MTF1: variants seen among roughly 807,000 people sequenced by gnomAD.
MTF1 encodes the protein metal regulatory transcription factor 1.
A neutral mutation model predicts 70.4 loss-of-function variants in MTF1; 22 were observed. That is an observed-to-expected ratio of 0.31 (90% CI 0.22 to 0.45). MTF1 has a LOEUF of 0.45. Ranked by LOEUF, MTF1 falls within the 20% of genes least tolerant of loss-of-function variation. MTF1 has a pLI of 1.00. For synonymous variants in MTF1, 333 were observed against 352.8 expected, an observed-to-expected ratio of 0.94 and a Z score of 0.63; for missense variants, 649 against 922.0, an observed-to-expected ratio of 0.70 and a Z score of 3.83.
intron 2 of MTF1, among the ~76,000 whole-genome samples, chr1:37,842,404 C>G (rs1038436262): frequency 2.0e-5 from 3 of 152,212 alleles, no homozygotes; most frequent in Non-Finnish European, 2.9e-5. Flanking sequence ...GATGGCTTTA[C>G]TGTAAGAAAT....
rs564300176 is a variant in MTF1 at position 37,828,189 on chromosome 1, G to A, written c.1068+4056C>T. On this transcript the variant is annotated intron_variant, in intron 7 of 10. Transcript: ENST00000373036. ...TAAAAGCATTAAAAAAAAAAAAACA[G>A]GAAAAACTAATCTTAGTTGTTGTAA... 3 of 391,516 alleles carry A rather than the reference G, an allele frequency of 7.7e-6. No individual in the cohort carries two copies. In the East Asian group the frequency reaches 2.8e-4, roughly 36 times the overall value. 24.3% of individuals were successfully genotyped at this position (391,516 alleles called of 1,614,324 possible). A position where few individuals can be genotyped will look rare whatever the true frequency, so the allele number is the denominator to read the frequency against.
chr1:37,841,626 G>T, intron 2 of MTF1: 1 of 173,722 alleles, frequency 5.8e-6, no homozygotes, highest in South Asian at 1.4e-4. Context: ...ACCTCATCAA[G>T]ACCCACACCA....
chr1:37,847,656 G>A (rs966762255), intron 2 of MTF1, among the ~76,000 whole-genome samples: 10 of 152,164 alleles, frequency 6.6e-5, no homozygotes, highest in African/African-American at 2.4e-4. Context: ...GGTATCCACA[G>A]AACGCCTGCA....
In MTF1 at chr1:37,840,615, T is replaced by C. The variant is rs943577530; in HGVS notation, c.409-457A>G. 8.1e-5 allele frequency: 33 copies of C among 405,698 alleles called. No individual in the cohort carries two copies. The highest frequency in any genetic ancestry group is 3.5e-4 in the Middle Eastern group (1 of 2,868). The allele number at this position is 405,698 out of a possible 1,614,324, so 25.1% of individuals were successfully genotyped here. A position where few individuals can be genotyped will look rare whatever the true frequency, so the allele number is the denominator to read the frequency against. ...TACTTAATCATCAAACATATTTCCC[T>C]AGATTGTTTCCACTGCATATTTTCA... is the stretch of plus-strand genomic sequence containing the variant. On this transcript the variant is annotated intron_variant, in intron 2 of 10. Coordinates refer to ENST00000373036, the MANE Select transcript of MTF1 (RefSeq NM_005955.3). The surrounding 1 kb of genome is among the most constrained non-coding windows in gnomAD (Gnocchi z 4.5).
chr1:37,841,674 T>C (rs2148415429), intron 2 of MTF1: 1 of 159,758 alleles, frequency 6.3e-6, no homozygotes, highest in Middle Eastern at 3.3e-3. Context: ...CAACTGTGGC[T>C]ATAACACAGG....
At chr1:37,853,043 G>A (rs1641439643) in intron 2 of MTF1, among the ~76,000 whole-genome samples, 1 of 152,114 alleles carries the variant, frequency 6.6e-6, no homozygotes, top group African/African-American at 2.4e-5. Flanking sequence ...CCATGAACAA[G>A]GCCACTATCC....
At chr1:37,823,676 T>G in intron 8 of MTF1, 34 bp downstream of exon 8, 1 of 1,500,804 alleles carries the variant, frequency 6.7e-7, no homozygotes, top group Non-Finnish European at 9.3e-7. Flanking sequence ...CAGCAAGTGC[T>G]TAGATGTGAG....
chr1:37,834,734 G>A, intron 6 of MTF1: 1 of 483,558 alleles, frequency 2.1e-6, no homozygotes, highest in East Asian at 6.1e-5. Flanking sequence ...GGATGAGCTG[G>A]CAGACTTTGC....
Position 37,813,311 on chromosome 1 carries a change from G to A in MTF1, c.*1825C>T, listed in dbSNP as rs990089004. ...AAAGAAGTCAATTATTCTGGCTAGG[G>A]TCCTGGAATGAGAAATTGGCTGCTT... is the stretch of plus-strand genomic sequence containing the variant. On this transcript the variant is annotated 3_prime_UTR_variant, in exon 11 of 11. Transcript: ENST00000373036. The A allele has an allele frequency of 3.3e-5, 5 of 152,150 alleles. No homozygotes were observed. Among genetic ancestry groups the A allele is most frequent in the Non-Finnish European group, 7.3e-5 (5 of 68,028 alleles). 9.4% of individuals were successfully genotyped at this position (152,150 alleles called of 1,614,324 possible).
Position 37,815,622 on chromosome 1 carries a change from A to G in MTF1, c.1832-56T>C. Reference sequence around the variant, plus strand: ...AAGTAGCTGCAGGGGCAGGAGCATGAGGGACAGGGATACATGGACTAGGTG... The same window carrying G: ...AAGTAGCTGCAGGGGCAGGAGCATGGGGGACAGGGATACATGGACTAGGTG... On this transcript the variant is annotated intron_variant, in intron 10 of 10. Coordinates refer to ENST00000373036, the MANE Select transcript of MTF1 (RefSeq NM_005955.3). The surrounding 1 kb of genome is among the most constrained non-coding windows in gnomAD (Gnocchi z 4.5). The G allele has an allele frequency of 7.3e-7, 1 of 1,368,716 alleles. No homozygotes were observed. The highest frequency in any genetic ancestry group is 1.0e-6 in the Non-Finnish European group (1 of 1,001,004). 84.8% of individuals were successfully genotyped at this position (1,368,716 alleles called of 1,614,324 possible).
intron 3 of MTF1, 77 bp downstream of exon 3, chr1:37,839,843 T>G: frequency 1.7e-6 from 2 of 1,177,936 alleles, no homozygotes; most frequent in Non-Finnish European, 2.5e-6. Context: ...AAACAACTCC[T>G]CTGCAAGGGG....
intron 7 of MTF1, among the ~76,000 whole-genome samples, chr1:37,831,117 T>C (rs1050570442): frequency 3.9e-5 from 6 of 152,218 alleles, no homozygotes; most frequent in Admixed American, 3.9e-4. Flanking sequence ...CTTCCAAGGT[T>C]ACCTCTGCTT....
intron 9 of MTF1, among the ~76,000 whole-genome samples, chr1:37,820,988 G>A (rs1422254132): frequency 2.6e-5 from 4 of 152,120 alleles, no homozygotes; most frequent in Admixed American, 2.0e-4. Context: ...AGACCAGTCT[G>A]GGCAACATGG....
At position 37,817,306 on chromosome 1, in the gene MTF1, G is replaced by T. The variant is rs1432772582; in HGVS notation, c.1831+113C>A. 11 of 734,178 alleles carry T rather than the reference G, an allele frequency of 1.5e-5. No individual in the cohort carries two copies. In the East Asian group the frequency reaches 2.7e-4, roughly 18 times the overall value. 45.5% of individuals were successfully genotyped at this position (734,178 alleles called of 1,614,324 possible). ...ACAATACAATGTGAAGAATTTAACT[G>T]AGGCTGTTTAAAGATTTTTAAAGTT... On this transcript the variant is annotated intron_variant, in intron 10 of 10. Coordinates refer to ENST00000373036, the MANE Select transcript of MTF1 (RefSeq NM_005955.3).
At chr1:37,859,419 C>G (rs966060201) in intron 1 of MTF1, 112 bp downstream of exon 1, 6 of 398,120 alleles carry the variant, frequency 1.5e-5, no homozygotes, top group African/African-American at 1.2e-4. Context: ...GGGGTGGGGT[C>G]CCTATGGTGA....
At chr1:37,859,485 TC>T (rs1641569604) in intron 1 of MTF1, 45 bp downstream of exon 1, 1 of 398,708 alleles carries the variant, frequency 2.5e-6, no homozygotes. Flanking sequence ...GTCCCGCGCC[TC>T]CCGGTAAGTC....
chr1:37,848,367 G>C (rs906465192), intron 2 of MTF1, among the ~76,000 whole-genome samples: 2 of 152,294 alleles, frequency 1.3e-5, no homozygotes, highest in East Asian at 3.9e-4. Flanking sequence ...AAAGGAAACA[G>C]AGCAGCTTGC....
At chr1:37,847,460 T>C (rs1299166156) in intron 2 of MTF1, among the ~76,000 whole-genome samples, 3 of 152,212 alleles carry the variant, frequency 2.0e-5, no homozygotes, top group African/African-American at 7.2e-5. Context: ...GATCGGTACA[T>C]ATCAGGTATT....
chr1:37,811,936 A>G lies in MTF1; in HGVS notation c.*3200T>C, dbSNP rs1640743602. On this transcript the variant is annotated 3_prime_UTR_variant, in exon 11 of 11. Transcript: ENST00000373036. ...CTGGGCCACCTTCCCTCAATGCCCA[A>G]CCTACCTGCCTGGGAAGGGCCAAGT... The G allele has an allele frequency of 1.3e-5, 2 of 152,666 alleles. No individual in the cohort carries two copies. The highest frequency in any genetic ancestry group is 4.1e-4 in the South Asian group (2 of 4,826). 9.5% of individuals were successfully genotyped at this position (152,666 alleles called of 1,614,324 possible).
Sources: allele counts gnomAD v4.1 joint callset (sites outside exome capture counted in the v4.1 genomes callset), GRCh38; gene constraint gnomAD v4.1.1; non-coding constraint Gnocchi (gnomAD v3.1); transcripts MANE v1.5; gene names NCBI Gene and HGNC (gene_info 2026-07-23, HGNC 2026-07-21).